ABLIM1: variants seen among roughly 807,000 people sequenced by gnomAD.
ABLIM1 encodes actin-binding LIM protein 1.
A neutral mutation model predicts 107.0 loss-of-function variants in ABLIM1; 40 were observed. The ratio of observed to expected loss-of-function variants is 0.37; its 90% CI spans 0.29 to 0.49. The LOEUF (loss-of-function observed/expected upper bound fraction) is 0.49, where lower values mean the gene tolerates loss of function less well. Ranked by LOEUF, ABLIM1 falls within the 20% of genes least tolerant of loss-of-function variation. ABLIM1 has a pLI of 0.97. For missense variants in ABLIM1, 857 were observed against 1,008.5 expected (o/e 0.85, Z 2.04); for synonymous variants, 357 against 357.3 (o/e 1.00, Z 0.01).
At chr10:114,766,150 C>T (rs1228105916) in intron 1 of ABLIM1, among the ~76,000 whole-genome samples, 1 of 152,190 alleles carries the variant, frequency 6.6e-6, no homozygotes, top group African/African-American at 2.4e-5. Flanking sequence ...ATTCCTTCAT[C>T]TGTAAAATGG....
rs755679016 is a variant in ABLIM1 at position 114,473,845 on chromosome 10, C to G, written c.1119+34G>C. On this transcript the variant is annotated intron_variant, in intron 9 of 22. Coordinates refer to ENST00000533213, the MANE Select transcript of ABLIM1 (RefSeq NM_002313.7). ...TATTACAATCCACTAATTTACCTGT[C>G]CCAGAAATGTCACTTCCAGAAGTAG... The G allele has an allele frequency of 8.5e-6, 13 of 1,537,580 alleles. No individual in the cohort carries two copies. The African/African-American group carries it at 1.6e-4, about 19-fold the overall frequency.
intron 1 of ABLIM1, among the ~76,000 whole-genome samples, chr10:114,752,675 G>C (rs2082542249): frequency 1.3e-5 from 2 of 152,192 alleles, no homozygotes; most frequent in South Asian, 2.1e-4. Flanking sequence ...CCACTTGTAA[G>C]TGAGAACATG....
chr10:114,676,804 C>T (rs185143981), intron 1 of ABLIM1, among the ~76,000 whole-genome samples: 47 of 152,192 alleles, frequency 3.1e-4, no homozygotes, highest in African/African-American at 1.0e-3. Flanking sequence ...GGCATGATCT[C>T]GACTCACTGC....
At chr10:114,760,886 C>G (rs1003949362) in intron 1 of ABLIM1, among the ~76,000 whole-genome samples, 1 of 152,118 alleles carries the variant, frequency 6.6e-6, no homozygotes, top group Non-Finnish European at 1.5e-5. Context: ...AAAGAACTTC[C>G]AGGAAATGTA....
intron 1 of ABLIM1, among the ~76,000 whole-genome samples, chr10:114,728,649 G>C (rs903951131): frequency 1.3e-5 from 2 of 151,108 alleles, no homozygotes; most frequent in Admixed American, 1.3e-4. Context: ...TTATATTAAG[G>C]GTAAAAATGT....
chr10:114,695,561 T>C (rs2081177462), intron 1 of ABLIM1, among the ~76,000 whole-genome samples: 1 of 152,160 alleles, frequency 6.6e-6, no homozygotes, highest in Non-Finnish European at 1.5e-5. Context: ...GCAGCAATAA[T>C]TATCCCCCTT....
rs1269352201 is a variant in ABLIM1, at chr10:114,473,905, G to A, written c.1093C>T (p.Pro365Ser). 11 of 1,613,498 alleles carry A rather than the reference G, an allele frequency of 6.8e-6. No individual in the cohort carries two copies. Among genetic ancestry groups the A allele is most frequent in the Admixed American group, 1.7e-5 (1 of 59,992 alleles). The change falls in exon 9 of 23, where the codon CCT (proline) becomes TCT (serine). Residue 365 changes from proline to serine, a missense_variant. Physicochemically the swap from Pro to Ser is moderately conservative, Grantham distance 74. This residue lies in a region of ABLIM1 where 381 missense variants were observed against 506.9 expected (regional missense o/e 0.75). Transcript: ENST00000533213. ...TAGATAGTATGACCTGGTGAGCCAG[G>A]AATACTGGAGCCTGGCCTAGAATAA... Reference protein sequence around the residue: ...SIYSRPGSSIPGSPGHTIYAK... With the variant: ...SIYSRPGSSISGSPGHTIYAK...
At chr10:114,742,718 C>T (rs563617758) in intron 1 of ABLIM1, among the ~76,000 whole-genome samples, 7 of 152,210 alleles carry the variant, frequency 4.6e-5, no homozygotes, top group African/African-American at 1.7e-4. Flanking sequence ...CACTTGAATC[C>T]AGAAGTTTGA....
At chr10:114,661,947 C>T (rs915648506), upstream of ABLIM1, among the ~76,000 whole-genome samples, 8 of 152,128 alleles carry the variant, frequency 5.3e-5, no homozygotes, top group East Asian at 3.9e-4. Context: ...CAGTGCTCGG[C>T]GAACAGATGC....
At position 114,730,177 on chromosome 10, in the gene ABLIM1, C is replaced by T. The variant is rs146816635; in HGVS notation, c.-213+37884G>A. 7.2e-5 allele frequency among the ~76,000 whole-genome samples: 11 copies of T among 152,118 alleles called. 1 individual carries two copies. In the East Asian group the frequency reaches 2.1e-3, roughly 29 times the overall value. ...CTTTGGGAGGCCAAAGCAGGTGGAT[C>T]CCTTGAGGTCAGGAGTTCCAGACCA... On this transcript the variant is annotated intron_variant, in intron 1 of 15. Transcript: ENST00000651092.
chr10:114,735,128 C>T (rs1431678881), intron 1 of ABLIM1, among the ~76,000 whole-genome samples: 1 of 152,128 alleles, frequency 6.6e-6, no homozygotes, highest in African/African-American at 2.4e-5. Context: ...AGTCCCTGAC[C>T]TCAAGAAGTC....
chr10:114,639,051 TC>T (rs1362911920), intron 1 of ABLIM1, among the ~76,000 whole-genome samples: 3 of 152,212 alleles, frequency 2.0e-5, no homozygotes, highest in African/African-American at 7.2e-5. Context: ...CTACATTTGT[TC>T]CCCTACCTCA....
chr10:114,518,897 G>A (rs1372293634), intron 6 of ABLIM1, among the ~76,000 whole-genome samples: 2 of 152,048 alleles, frequency 1.3e-5, no homozygotes, highest in African/African-American at 4.8e-5. Context: ...AATCTTCCTA[G>A]AAGCAGGTGG....
chr10:114,786,417 A>G, the ABLIM1 span, among the ~76,000 whole-genome samples: 107,525 of 152,118 alleles, frequency 0.71, 38,137 homozygotes, highest in Non-Finnish European at 0.72. Context: ...AATATTCGAT[A>G]GTAAGTTGTA....
intron 6 of ABLIM1, among the ~76,000 whole-genome samples, chr10:114,507,138 C>A (rs1271418130): frequency 6.6e-6 from 1 of 152,218 alleles, no homozygotes; most frequent in Non-Finnish European, 1.5e-5. Context: ...CAGAAAAACA[C>A]AGCTTGCTTT....
intron 1 of ABLIM1, among the ~76,000 whole-genome samples, chr10:114,723,373 G>A (rs990571699): frequency 6.6e-5 from 10 of 152,160 alleles, no homozygotes. Flanking sequence ...CAAAGTCTGG[G>A]TTCTTTGGAA....
At chr10:114,552,870 T>A (rs1315626605) in intron 4 of ABLIM1, among the ~76,000 whole-genome samples, 1 of 152,238 alleles carries the variant, frequency 6.6e-6, no homozygotes, top group African/African-American at 2.4e-5. Context: ...AGCCACTCAA[T>A]AGACTCCCTT....
At chr10:114,690,239 T>C (rs1227788741) in intron 1 of ABLIM1, 16 of 1,485,296 alleles carry the variant, frequency 1.1e-5, no homozygotes, top group Middle Eastern at 1.7e-4. Flanking sequence ...TATTTATGCC[T>C]TCTTTCATCT....
intron 6 of ABLIM1, among the ~76,000 whole-genome samples, chr10:114,513,268 A>G (rs1280157132): frequency 6.6e-6 from 1 of 151,988 alleles, no homozygotes; most frequent in Non-Finnish European, 1.5e-5. Context: ...TTAGAAAGAA[A>G]GCATATCAGT....
Sources: gnomAD v4.1 joint callset for allele counts (sites outside exome capture counted in the v4.1 genomes callset) on GRCh38, gnomAD v4.1.1 for gene constraint, gnomAD v4.1.1 regional missense constraint, MANE v1.5 for transcripts, NCBI Gene and HGNC (gene_info 2026-07-23, HGNC 2026-07-21) for gene names.